Variants in ZCCHC14 observed in about 807,000 individuals in gnomAD.
The protein encoded by ZCCHC14 is zinc finger CCHC domain-containing protein 14.
ZCCHC14 carries 16 observed loss-of-function variants against 85.0 expected under a neutral mutation model. The ratio of observed to expected loss-of-function variants is 0.19; its 90% CI spans 0.13 to 0.29. The LOEUF (loss-of-function observed/expected upper bound fraction) is 0.29, where lower values mean the gene tolerates loss of function less well. Among genes scored for constraint, ZCCHC14 ranks in the 10% least tolerant of loss-of-function variants. The probability of loss-of-function intolerance (pLI) is 1.00; values close to 1 mark genes in which losing one functional copy is unlikely to be tolerated. For synonymous variants in ZCCHC14, 775 were observed against 630.7 expected, an observed-to-expected ratio of 1.23 and a Z score of -3.43; for missense variants, 1,303 against 1,443.5, an observed-to-expected ratio of 0.90 and a Z score of 1.58.
chr16:87,422,464 C>A (rs1025464936), intron 4 of ZCCHC14, among the ~76,000 whole-genome samples: 1 of 151,942 alleles, frequency 6.6e-6, no homozygotes, highest in Non-Finnish European at 1.5e-5. Flanking sequence ...GTGGCTCACA[C>A]CTGTAACACC....
chr16:87,412,138 G>A lies in ZCCHC14; in HGVS notation c.2583C>T (p.Pro861=). Residue 861 remains proline (P), a synonymous_variant, in exon 12 of 13, where the codon CCC becomes CCT. Coordinates refer to ENST00000671377, the MANE Select transcript of ZCCHC14 (RefSeq NM_015144.3). ...STSFANMATL[P]SCPAPSSSPA... ...GGCTGGAGCTGGGGGCTGGGCAGCTGGGCAACGTGGCCATGTTGGCAAAGG... is the reference window on the plus strand; with the variant it reads ...GGCTGGAGCTGGGGGCTGGGCAGCTAGGCAACGTGGCCATGTTGGCAAAGG... The A allele has an allele frequency of 1.2e-6, 2 of 1,613,898 alleles. No individual in the cohort carries two copies. The highest frequency in any genetic ancestry group is 8.5e-7 in the Non-Finnish European group (1 of 1,180,032).
intron 1 of ZCCHC14, among the ~76,000 whole-genome samples, chr16:87,464,616 A>T (rs1911435088): frequency 6.6e-6 from 1 of 152,214 alleles, no homozygotes; most frequent in Non-Finnish European, 1.5e-5. Flanking sequence ...GACAGGAAGG[A>T]AAACTCTTTA....
At chr16:87,463,911 C>T (rs1911395528) in intron 1 of ZCCHC14, among the ~76,000 whole-genome samples, 1 of 152,166 alleles carries the variant, frequency 6.6e-6, no homozygotes, top group African/African-American at 2.4e-5. Flanking sequence ...CCTCGACCTC[C>T]TGGGCTCAAG....
chr16:87,439,216 C>A (rs1910071304), intron 2 of ZCCHC14, among the ~76,000 whole-genome samples: 1 of 151,926 alleles, frequency 6.6e-6, no homozygotes, highest in South Asian at 2.1e-4. Context: ...TCACTGCAAC[C>A]TCTGCCTCCG....
At chr16:87,484,771 G>A (rs1597456472) in intron 1 of ZCCHC14, among the ~76,000 whole-genome samples, 1 of 152,148 alleles carries the variant, frequency 6.6e-6, no homozygotes, top group African/African-American at 2.4e-5. Context: ...GCTGGTAGAG[G>A]TGAGTGGTGT....
intron 1 of ZCCHC14, among the ~76,000 whole-genome samples, chr16:87,461,117 T>C (rs1157273674): frequency 2.0e-5 from 3 of 152,204 alleles, no homozygotes; most frequent in Non-Finnish European, 4.4e-5. Context: ...GCCCCCAAGC[T>C]GTGGGTGGGG....
intron 4 of ZCCHC14, among the ~76,000 whole-genome samples, chr16:87,422,750 C>A (rs1219712958): frequency 6.6e-6 from 1 of 150,652 alleles, no homozygotes; most frequent in African/African-American, 2.4e-5. Context: ...AAAAAAAAAA[C>A]AAAACAAAAC....
intron 1 of ZCCHC14, chr16:87,471,714 A>G (rs931324066): frequency 2.0e-5 from 3 of 152,224 alleles, no homozygotes; most frequent in Non-Finnish European, 4.4e-5. Context: ...TGTTCCAGAC[A>G]CTGCCTGTAG....
At chr16:87,413,566 T>G (rs1908602167) in intron 10 of ZCCHC14, among the ~76,000 whole-genome samples, 2 of 150,408 alleles carry the variant, frequency 1.3e-5, no homozygotes, top group Admixed American at 1.3e-4. Flanking sequence ...AAATCCATCC[T>G]GCCAGGTTTT....
chr16:87,413,437 A>G (rs1300403352), intron 10 of ZCCHC14, among the ~76,000 whole-genome samples: 1 of 152,190 alleles, frequency 6.6e-6, no homozygotes, highest in Non-Finnish European at 1.5e-5. Flanking sequence ...CAACCCCAGA[A>G]CAATGCCCTG....
intron 3 of ZCCHC14, among the ~76,000 whole-genome samples, chr16:87,426,903 A>C (rs1909399771): frequency 6.6e-6 from 1 of 152,246 alleles, no homozygotes; most frequent in African/African-American, 2.4e-5. Flanking sequence ...AGAGCCCAAG[A>C]GTTCTCTGAA....
At chr16:87,469,539 A>G (rs1190945459) in intron 1 of ZCCHC14, among the ~76,000 whole-genome samples, 1 of 152,202 alleles carries the variant, frequency 6.6e-6, no homozygotes. Flanking sequence ...TTCGTCCACT[A>G]TGGGATGGAA....
Position 87,412,405 on chromosome 16 carries a change from C to A in ZCCHC14, c.2316G>T (p.Pro772=), listed in dbSNP as rs144993873. The A allele has an allele frequency of 1.2e-6, 2 of 1,614,136 alleles. No individual in the cohort carries two copies. Among genetic ancestry groups the A allele is most frequent in the African/African-American group, 1.3e-5 (1 of 75,042 alleles). ...TPSTVLHAAR[P]PIKLLLSSSV... The stretch of plus-strand genomic sequence containing the variant: ...ATGACGACAGCAGCAGTTTGATGGG[C>A]GGACGGGCGGCGTGGAGGACTGTGC... The change falls in exon 12 of 13, where the codon CCG becomes CCT. Residue 772 remains proline (P), a synonymous_variant. Transcript: ENST00000671377.
At chr16:87,465,255 A>C (rs1267928498) in intron 1 of ZCCHC14, among the ~76,000 whole-genome samples, 3 of 152,246 alleles carry the variant, frequency 2.0e-5, no homozygotes, top group Admixed American at 2.0e-4. Flanking sequence ...GTTCCTTTGC[A>C]CTTCGAACTG....
chr16:87,459,349 CTT>C (rs531710228), intron 2 of ZCCHC14, among the ~76,000 whole-genome samples: 6 of 143,084 alleles, frequency 4.2e-5, no homozygotes, highest in South Asian at 4.5e-4. Flanking sequence ...TCCTCCCACC[CTT>C]TTTTTTTTTT....
At chr16:87,454,652 A>G (rs1910864963) in intron 2 of ZCCHC14, among the ~76,000 whole-genome samples, 1 of 152,270 alleles carries the variant, frequency 6.6e-6, no homozygotes, top group Admixed American at 6.5e-5. Flanking sequence ...ATGAGACCAG[A>G]TGGAAATTCC....
At chr16:87,480,310 G>T (rs1456819229) in intron 1 of ZCCHC14, among the ~76,000 whole-genome samples, 1 of 152,088 alleles carries the variant, frequency 6.6e-6, no homozygotes, top group Non-Finnish European at 1.5e-5. Context: ...GGCTGAGGCA[G>T]GAGAATGGCG....
At position 87,492,925 on chromosome 16, in the gene ZCCHC14, GGCGACGGCGA is replaced by G. The variant is rs1567549629; in HGVS notation, c.-697_-688del. Among the ~76,000 whole-genome samples the G allele has an allele frequency of 2.8e-5, 4 of 142,808 alleles. No individual in the cohort carries two copies. Among genetic ancestry groups the G allele is most frequent in the Non-Finnish European group, 6.0e-5 (4 of 66,674 alleles). 93.7% of individuals were successfully genotyped at this position (142,808 alleles called of 152,430 possible). A position where few individuals can be genotyped will look rare whatever the true frequency, so the allele number is the denominator to read the frequency against. On this transcript the variant is annotated 5_prime_UTR_variant, in exon 1 of 13. Transcript: ENST00000671377. The surrounding 1 kb of genome is among the most constrained non-coding windows in gnomAD (Gnocchi z 6.7). The stretch of plus-strand genomic sequence containing the variant: ...GCCCGAGCGCGGCGGCGGCGGCGAC[GGCGACGGCGA>G]CGGCGACGGCGACGGCGGAGGAGGC...
chr16:87,469,115 G>A (rs1911665590), intron 1 of ZCCHC14, among the ~76,000 whole-genome samples: 1 of 152,134 alleles, frequency 6.6e-6, no homozygotes, highest in Non-Finnish European at 1.5e-5. Flanking sequence ...CATGGTCTAT[G>A]TTGCCCAGGC....
Sources: allele counts gnomAD v4.1 joint callset (sites outside exome capture counted in the v4.1 genomes callset), GRCh38; gene constraint gnomAD v4.1.1; non-coding constraint Gnocchi (gnomAD v3.1); transcripts MANE v1.5; gene names NCBI Gene and HGNC (gene_info 2026-07-23, HGNC 2026-07-21).